Variants in BRD4 observed in about 807,000 individuals in gnomAD.
The protein encoded by BRD4 is bromodomain-containing protein 4.
Under a neutral mutation model 142.1 loss-of-function variants are expected in BRD4, and 16 were observed. The observed-to-expected ratio is 0.11, with a 90% CI of 0.08 to 0.17. The LOEUF is 0.17. BRD4 is among the 10% of genes least tolerant of loss of function. The pLI is 1.00. For missense variants in BRD4, 1,424 were observed against 1,810.9 expected, an observed-to-expected ratio of 0.79 and a Z score of 3.88; for synonymous variants, 833 against 707.5, an observed-to-expected ratio of 1.18 and a Z score of -2.82.
In BRD4 at chr19:15,279,121, G is replaced by A. The variant is rs1219802100; in HGVS notation, c.-34-5988C>T. On this transcript the variant is annotated intron_variant, in intron 1 of 19. Transcript: ENST00000679869. Reference sequence around the variant, plus strand: ...CGCCCAAAGTGCTGGGATTACAGGCGTGAGCCACCGCACCCGGCTAAGCAT... The same window carrying A: ...CGCCCAAAGTGCTGGGATTACAGGCATGAGCCACCGCACCCGGCTAAGCAT... Among the ~76,000 whole-genome samples the A allele has an allele frequency of 3.9e-5, 6 of 152,130 alleles. No individual in the cohort carries two copies. The East Asian group carries it at 7.7e-4, about 20-fold the overall frequency.
intron 1 of BRD4, chr19:15,331,835 C>A (rs1384803194): frequency 1.4e-5 from 2 of 147,996 alleles, no homozygotes; most frequent in Non-Finnish European, 3.0e-5. Context: ...CCGGGACTTA[C>A]CCGGGCCGGG....
intron 1 of BRD4, among the ~76,000 whole-genome samples, chr19:15,295,917 G>A (rs985092247): frequency 2.0e-5 from 3 of 152,232 alleles, no homozygotes; most frequent in Non-Finnish European, 4.4e-5. Flanking sequence ...GTTGCAGTGA[G>A]CTGAGATTGT....
chr19:15,330,635 C>A (rs1217763363), intron 1 of BRD4, among the ~76,000 whole-genome samples: 5 of 151,984 alleles, frequency 3.3e-5, no homozygotes, highest in Non-Finnish European at 5.9e-5. Context: ...GATGTGGTGG[C>A]GGGCGCCTGT....
intron 11 of BRD4, chr19:15,253,593 G>C (rs1020240096): frequency 1.9e-6 from 3 of 1,589,842 alleles, no homozygotes; most frequent in African/African-American, 2.7e-5. Flanking sequence ...CACACTCTGG[G>C]GAGGGGTAGG....
At chr19:15,272,422 T>C (rs1226362872) in intron 2 of BRD4, among the ~76,000 whole-genome samples, 3 of 152,158 alleles carry the variant, frequency 2.0e-5, no homozygotes, top group Admixed American at 6.5e-5. Context: ...CCCTCTAGCA[T>C]AGTTTGATCA....
intron 6 of BRD4, among the ~76,000 whole-genome samples, chr19:15,263,823 C>A (rs1490232108): frequency 6.6e-6 from 1 of 152,188 alleles, no homozygotes; most frequent in Non-Finnish European, 1.5e-5. Context: ...ACGGGGAGAA[C>A]TGATGGAGAG....
At chr19:15,328,860 G>A (rs990803183) in intron 1 of BRD4, among the ~76,000 whole-genome samples, 3 of 152,122 alleles carry the variant, frequency 2.0e-5, no homozygotes, top group Non-Finnish European at 4.4e-5. Flanking sequence ...CGCAACCTCC[G>A]CCTCCCGGGT....
chr19:15,292,008 T>A (rs560955113), intron 1 of BRD4, among the ~76,000 whole-genome samples: 1 of 152,342 alleles, frequency 6.6e-6, no homozygotes, highest in Admixed American at 6.5e-5. Flanking sequence ...TTCCTTCCAC[T>A]ATACCAGTTA....
chr19:15,278,103 CTCAAAA>C (rs2047667627), intron 1 of BRD4, among the ~76,000 whole-genome samples: 1 of 59,348 alleles, frequency 1.7e-5, no homozygotes, highest in Admixed American at 2.3e-4. Context: ...AAGACTCCGT[CTCAAAA>C]AAAAAAAAAA....
rs777608829 is a variant in BRD4 at position 15,239,147 on chromosome 19, G to C, written c.3694C>G (p.Arg1232Gly). ...GCCTTCTCACGCTCCTCTTTCTCCC[G>C]AGCGGCGCGGCGGAACTGCTCGAAG... The part of the protein sequence containing the change: ...DSFEQFRRAA[R>G]EKEEREKALK... The change falls in exon 18 of 20, where the codon CGG (arginine) becomes GGG (glycine). Residue 1232 changes from arginine (R) to glycine (G), a missense_variant. By Grantham distance (125) the Arg-to-Gly change is moderately radical. Around this residue, in one of 16 missense-constraint regions of BRD4, gnomAD observed 49 missense variants for 97.3 expected, o/e 0.50. Transcript: ENST00000679869. This position sits in a 1 kb window ranked among gnomAD's most constrained non-coding sequence, Gnocchi z 7.4. 6.2e-7 allele frequency: 1 copy of C among 1,612,090 alleles called. No individual in the cohort carries two copies. The highest frequency in any genetic ancestry group is 8.5e-7 in the Non-Finnish European group (1 of 1,179,878).
intron 11 of BRD4, chr19:15,253,791 T>C (rs370414806): frequency 1.1e-5 from 18 of 1,594,626 alleles, no homozygotes; most frequent in African/African-American, 4.0e-5. Context: ...AAGCTGGGTG[T>C]GGTCACATCA....
intron 1 of BRD4, among the ~76,000 whole-genome samples, chr19:15,311,185 G>A (rs1373680511): frequency 6.6e-6 from 1 of 152,048 alleles, no homozygotes; most frequent in Non-Finnish European, 1.5e-5. Context: ...CCAGCTACTT[G>A]AGAGGCTGAG....
chr19:15,260,811 A>C (rs1006850956), intron 7 of BRD4, among the ~76,000 whole-genome samples: 5 of 152,162 alleles, frequency 3.3e-5, no homozygotes, highest in African/African-American at 7.2e-5. Context: ...AAAAAAAAAA[A>C]AAAACCACTT....
chr19:15,255,127 G>T (rs1014988388), intron 10 of BRD4, among the ~76,000 whole-genome samples, 170 bp downstream of exon 10: 3 of 151,766 alleles, frequency 2.0e-5, no homozygotes, highest in African/African-American at 7.3e-5. Context: ...ACAGCCTAGG[G>T]GTGAGTGCAA....
intron 1 of BRD4, among the ~76,000 whole-genome samples, chr19:15,323,718 T>C (rs2048084354): frequency 6.6e-6 from 1 of 152,162 alleles, no homozygotes; most frequent in South Asian, 2.1e-4. Context: ...AATGTACCAG[T>C]GTCTCCTGAC....
At chr19:15,329,227 A>T (rs1353381151) in intron 1 of BRD4, among the ~76,000 whole-genome samples, 1 of 152,186 alleles carries the variant, frequency 6.6e-6, no homozygotes, top group Non-Finnish European at 1.5e-5. Context: ...ACAAAGATTT[A>T]TGAAACATTA....
chr19:15,261,462 A>C (rs1230531117), intron 7 of BRD4, among the ~76,000 whole-genome samples: 2 of 152,108 alleles, frequency 1.3e-5, no homozygotes, highest in Non-Finnish European at 2.9e-5. Flanking sequence ...AGCCTGGGCG[A>C]CAGAAAGAGA....
chr19:15,290,421 T>C (rs1325145674), intron 1 of BRD4, among the ~76,000 whole-genome samples: 5 of 152,294 alleles, frequency 3.3e-5, no homozygotes, highest in Non-Finnish European at 5.9e-5. Context: ...CTGGTTGCCA[T>C]AGAAATCAAA....
chr19:15,241,068 C>T (rs1309081725), intron 14 of BRD4, among the ~76,000 whole-genome samples: 1 of 152,248 alleles, frequency 6.6e-6, no homozygotes, highest in Non-Finnish European at 1.5e-5. Context: ...CTCCTAACGC[C>T]AGAAGACACT....
Sources: gnomAD v4.1 joint callset for allele counts (sites outside exome capture counted in the v4.1 genomes callset) on GRCh38, gnomAD v4.1.1 for gene constraint, gnomAD v4.1.1 regional missense constraint, Gnocchi (gnomAD v3.1) non-coding constraint, MANE v1.5 for transcripts, NCBI Gene and HGNC (gene_info 2026-07-23, HGNC 2026-07-21) for gene names.